GGT1: variants seen among roughly 807,000 people sequenced by gnomAD.
GGT1 encodes the protein glutathione hydrolase 1 proenzyme.
Under a neutral mutation model 56.0 loss-of-function variants are expected in GGT1, and 21 were observed. That is an observed-to-expected ratio of 0.38 (90% CI 0.27 to 0.54). The LOEUF is 0.54. GGT1 is among the 20% of genes least tolerant of loss of function. GGT1 has a pLI of 0.82. For synonymous variants in GGT1, 238 were observed against 342.6 expected, an observed-to-expected ratio of 0.69 and a Z score of 3.37; for missense variants, 466 against 787.0, an observed-to-expected ratio of 0.59 and a Z score of 4.88.
rs1414418334 is a variant in GGT1, at chr22:24,621,082, A to G, written c.733+12A>G. On this transcript the variant is annotated intron_variant, in intron 9 of 15. Transcript: ENST00000400382. ...CATCCAGGCGGCCGGTGAGTGGGTA[A>G]CCTCAGGGGCCTGGGTGAGGAACTC... 6.4e-7 allele frequency: 1 copy of G among 1,563,096 alleles called. No individual in the cohort carries two copies. Among genetic ancestry groups the G allele is most frequent in the Non-Finnish European group, 8.7e-7 (1 of 1,153,536 alleles).
chr22:24,615,092 C>T lies in GGT1; in HGVS notation c.347C>T (p.Ala116Val). The change falls in exon 7 of 16, where the codon GCC becomes GTC. Residue 116 changes from alanine (A) to valine (V), a missense_variant. Ala to Val is a moderately conservative substitution (Grantham distance 64). Coordinates refer to ENST00000400382, the MANE Select transcript of GGT1 (RefSeq NM_001288833.2). ...GAGGTGGCCCCCAGGCTGGCCTTTG[C>T]CACCATGTTCAACAGCTCGGAGCAG... ...AREVAPRLAF[A>V]TMFNSSEQSQ... 1 of 1,612,024 alleles carries T rather than the reference C, an allele frequency of 6.2e-7. No individual in the cohort carries two copies. The highest frequency in any genetic ancestry group is 8.5e-7 in the Non-Finnish European group (1 of 1,179,700).
intron 5 of GGT1, among the ~76,000 whole-genome samples, chr22:24,612,559 C>T (rs997711644): frequency 2.0e-5 from 3 of 149,322 alleles, no homozygotes; most frequent in East Asian, 4.0e-4. Context: ...CGGAGTCTCA[C>T]GCTGTCTCCC....
intron 7 of GGT1, among the ~76,000 whole-genome samples, chr22:24,616,298 C>A (rs2047062145): frequency 6.6e-6 from 1 of 151,690 alleles, no homozygotes; most frequent in South Asian, 2.1e-4. Flanking sequence ...CCTGTAATCC[C>A]AGCTACTCAG....
At chr22:24,586,717 G>A in the GGT1 span, among the ~76,000 whole-genome samples, 2 of 152,214 alleles carry the variant, frequency 1.3e-5, no homozygotes, top group African/African-American at 2.4e-5. Flanking sequence ...TTTTAGTAGA[G>A]GCGGGGTTTC....
chr22:24,600,987 A>G (rs73879091), upstream of GGT1, among the ~76,000 whole-genome samples: 7,027 of 152,248 alleles, frequency 0.046, 534 homozygotes, highest in African/African-American at 0.16. Context: ...AAGATCAGAG[A>G]GCAAACACTT....
Position 24,610,254 on chromosome 22 carries a change from C to T in GGT1, c.-285C>T, listed in dbSNP as rs534707506. 2,546 of 300,308 alleles carry T rather than the reference C, an allele frequency of 8.5e-3. 70 individuals carry two copies. Among genetic ancestry groups the T allele is most frequent in the African/African-American group, 0.053 (2,328 of 43,748 alleles). 18.6% of individuals were successfully genotyped at this position (300,308 alleles called of 1,614,324 possible). ...TGACAGCCTCTTTGCCTCCAGAGTTCAACTGGAGACAGAGAAACCAGCTAG... is the reference window on the plus strand; with the variant it reads ...TGACAGCCTCTTTGCCTCCAGAGTTTAACTGGAGACAGAGAAACCAGCTAG... On this transcript the variant is annotated 5_prime_UTR_variant, in exon 4 of 16. Coordinates refer to ENST00000400382, the MANE Select transcript of GGT1 (RefSeq NM_001288833.2).
intron 11 of GGT1, 148 bp downstream of exon 11, chr22:24,624,064 G>A: frequency 6.7e-7 from 1 of 1,500,644 alleles, no homozygotes; most frequent in Non-Finnish European, 8.9e-7. Context: ...GTGCTCGGAT[G>A]GACTCGTGGG....
upstream of GGT1, chr22:24,599,420 G>T (rs923543748): frequency 6.6e-6 from 1 of 152,230 alleles, no homozygotes; most frequent in African/African-American, 2.4e-5. Flanking sequence ...GACAAGGGGG[G>T]CCTCTGGAGT....
upstream of GGT1, among the ~76,000 whole-genome samples, chr22:24,594,391 ATGTGTGTGTGTGTG>A (rs61535476): frequency 7.0e-6 from 1 of 142,304 alleles, no homozygotes; most frequent in South Asian, 2.2e-4. Context: ...ACCCGTGTGT[ATGTGTGTGTGTGTG>A]TGTGTGTGTG....
chr22:24,624,275 G>A, intron 11 of GGT1: 2 of 932,012 alleles, frequency 2.1e-6, no homozygotes, highest in Non-Finnish European at 2.5e-6. Flanking sequence ...AGAGACCTTG[G>A]CCACCCACTC....
chr22:24,607,822 C>T (rs28550867), intron 1 of GGT1, 132 bp from the exon 2 acceptor site: 175 of 331,208 alleles, frequency 5.3e-4, no homozygotes, highest in African/African-American at 3.5e-3. Context: ...AGTCCCAATT[C>T]GGAGGCCCCC....
intron 1 of GGT1, among the ~76,000 whole-genome samples, chr22:24,597,684 A>ACACACACACACACACACACACACAC (rs60798811): frequency 2.0e-5 from 3 of 148,738 alleles, no homozygotes; most frequent in African/African-American, 7.4e-5. Context: ...CCATCTCAAA[A>ACACACACACACACACACACACACAC]ACACACACAC....
intron 7 of GGT1, among the ~76,000 whole-genome samples, chr22:24,619,584 AC>A (rs2047284172): frequency 5.3e-5 from 8 of 152,044 alleles, no homozygotes; most frequent in Admixed American, 5.2e-4. Context: ...AGACAAACAA[AC>A]AAAAACCCTT....
In GGT1 at chr22:24,628,778, C is replaced by T. The variant is rs1400195497; in HGVS notation, c.1649C>T (p.Thr550Met). 1.7e-5 allele frequency: 28 copies of T among 1,608,940 alleles called. No individual in the cohort carries two copies. The highest frequency in any genetic ancestry group is 2.3e-5 in the Non-Finnish European group (27 of 1,178,140). ...FIAVVQAIVR[T>M]AGGWAAASDS... ...GCTGTGGTGCAAGCCATCGTCCGCA[C>T]GGCTGGTGGCTGGGCAGCTGCCTCG... The change falls in exon 16 of 16, where the codon ACG becomes ATG. Residue 550 changes from threonine to methionine, a missense_variant. By Grantham distance (81) the Thr-to-Met change is moderately conservative (BLOSUM62 -1). Around this residue, in one of 2 missense-constraint regions of GGT1, gnomAD observed 10 missense variants for 70.3 expected, o/e 0.14. Transcript: ENST00000400382. The surrounding 1 kb of genome is among the most constrained non-coding windows in gnomAD (Gnocchi z 5.7).
Position 24,620,543 on chromosome 22 carries a change from C to G in GGT1, c.575+23C>G, listed in dbSNP as rs768172325. ...GTGGTATGTCTGTGGGTGCGGCCCCCTGACACAGGCAGGGCAGGCACAGCC... is the reference window on the plus strand; with the variant it reads ...GTGGTATGTCTGTGGGTGCGGCCCCGTGACACAGGCAGGGCAGGCACAGCC... On this transcript the variant is annotated intron_variant, in intron 8 of 15. Coordinates refer to ENST00000400382, the MANE Select transcript of GGT1 (RefSeq NM_001288833.2). The surrounding 1 kb of genome is among the most constrained non-coding windows in gnomAD (Gnocchi z 5.6). 2.5e-6 allele frequency: 4 copies of G among 1,611,260 alleles called. No individual in the cohort carries two copies. The highest frequency in any genetic ancestry group is 3.4e-6 in the Non-Finnish European group (4 of 1,179,544).
chr22:24,587,692 T>A, the GGT1 span, among the ~76,000 whole-genome samples: 2 of 152,128 alleles, frequency 1.3e-5, no homozygotes, highest in South Asian at 4.1e-4. Flanking sequence ...AGGGAGCTAT[T>A]GGGCAGCCAC....
At chr22:24,613,772 G>T (rs1468386723) in intron 5 of GGT1, among the ~76,000 whole-genome samples, 1 of 149,004 alleles carries the variant, frequency 6.7e-6, no homozygotes, top group Non-Finnish European at 1.5e-5. Flanking sequence ...AGAAAGAAAA[G>T]AAAAGAAAAA....
At chr22:24,619,486 T>G (rs2047276641) in intron 7 of GGT1, among the ~76,000 whole-genome samples, 1 of 151,778 alleles carries the variant, frequency 6.6e-6, no homozygotes, top group Admixed American at 6.6e-5. Context: ...GGAGGATCGC[T>G]TGAGCCTGGG....
upstream of GGT1, among the ~76,000 whole-genome samples, chr22:24,599,834 G>C (rs1178385398): frequency 1.3e-5 from 2 of 152,250 alleles, no homozygotes; most frequent in African/African-American, 4.8e-5. Flanking sequence ...CAAAAGTCCA[G>C]GTGAGAGCAT....
Sources: gnomAD v4.1 joint callset for allele counts (sites outside exome capture counted in the v4.1 genomes callset) on GRCh38, gnomAD v4.1.1 for gene constraint, gnomAD v4.1.1 regional missense constraint, Gnocchi (gnomAD v3.1) non-coding constraint, MANE v1.5 for transcripts, NCBI Gene and HGNC (gene_info 2026-07-23, HGNC 2026-07-21) for gene names.